Variants in CD82 observed in about 807,000 individuals in gnomAD.
CD82 encodes CD82 antigen.
CD82 carries 36 observed loss-of-function variants against 37.4 expected under a neutral mutation model. That is an observed-to-expected ratio of 0.96 (90% CI 0.74 to 1.27). The LOEUF (loss-of-function observed/expected upper bound fraction) is 1.27. CD82 is among the 50% of genes most tolerant of loss of function. CD82 has a pLI of 0.00. For synonymous variants in CD82, 158 were observed against 137.4 expected, an observed-to-expected ratio of 1.15 and a Z score of -1.05; for missense variants, 340 against 347.0, an observed-to-expected ratio of 0.98 and a Z score of 0.16.
At chr11:44,600,914 G>T (rs1853299034) in intron 4 of CD82, among the ~76,000 whole-genome samples, 2 of 152,350 alleles carry the variant, frequency 1.3e-5, no homozygotes, top group Admixed American at 1.3e-4. Flanking sequence ...AACTCCAAGA[G>T]CTTTGGTCCT....
intron 7 of CD82, 89 bp from the exon 8 acceptor site, chr11:44,618,073 C>A: frequency 8.8e-7 from 1 of 1,132,330 alleles, no homozygotes; most frequent in Non-Finnish European, 1.3e-6. Context: ...ATCTCAGTCT[C>A]TGTCCTGGGG....
intron 2 of CD82, among the ~76,000 whole-genome samples, chr11:44,592,094 C>T (rs1316119425): frequency 6.6e-6 from 1 of 152,202 alleles, no homozygotes; most frequent in Non-Finnish European, 1.5e-5. Flanking sequence ...GCTGGGATTA[C>T]AGGCATGAGA....
At chr11:44,591,217 A>G (rs1286555432) in intron 2 of CD82, among the ~76,000 whole-genome samples, 1 of 152,058 alleles carries the variant, frequency 6.6e-6, no homozygotes, top group South Asian at 2.1e-4. Context: ...TGTGGGATGG[A>G]GCCCATGGGT....
chr11:44,613,548 C>T (rs1274679660), intron 6 of CD82, among the ~76,000 whole-genome samples: 3 of 152,112 alleles, frequency 2.0e-5, no homozygotes, highest in South Asian at 4.1e-4. Flanking sequence ...TTGGGCCAGG[C>T]GAGGTGTCTC....
intron 4 of CD82, chr11:44,604,847 G>A (rs12789262): frequency 0.24 from 151,460 of 618,608 alleles, 20,112 homozygotes; most frequent in East Asian, 0.33. Context: ...TAGGCTGGAT[G>A]AGGGTGTGGA....
Position 44,618,760 on chromosome 11 carries a change from G to A in CD82, c.726+37G>A, listed in dbSNP as rs200610627. The A allele has an allele frequency of 5.8e-6, 9 of 1,551,212 alleles. No individual in the cohort carries two copies. The African/African-American group carries it at 9.5e-5, about 16-fold the overall frequency. ...CTCCCCCATCCCTTCTCCATCCCAG[G>A]TCCTCCTGGGTTGTCTCTGTTCTGC... On this transcript the variant is annotated intron_variant, in intron 9 of 9. Coordinates refer to ENST00000227155, the MANE Select transcript of CD82 (RefSeq NM_002231.4).
intron 3 of CD82, chr11:44,596,748 G>T: frequency 2.7e-6 from 1 of 372,702 alleles, no homozygotes; most frequent in Non-Finnish European, 5.4e-6. Flanking sequence ...AGGCAGAACG[G>T]GCTTGTTTAC....
In CD82 at chr11:44,597,977, G is replaced by A. The variant is rs1405747033; in HGVS notation, c.64-2181G>A. ...AGTGTCTCAGGGGCTTTTCTGTCCCGAGACTGGCTTTCTGGGTGAAGGCCC... is the reference window on the plus strand; with the variant it reads ...AGTGTCTCAGGGGCTTTTCTGTCCCAAGACTGGCTTTCTGGGTGAAGGCCC... On this transcript the variant is annotated intron_variant, in intron 3 of 9. Transcript: ENST00000227155. The surrounding 1 kb of genome is among the most constrained non-coding windows in gnomAD (Gnocchi z 4.1). Among the ~76,000 whole-genome samples, 7 of 152,306 alleles carry A rather than the reference G, an allele frequency of 4.6e-5. No homozygotes were observed. Among genetic ancestry groups the A allele is most frequent in the South Asian group, 2.1e-4 (1 of 4,818 alleles).
rs1853245924 is a variant in CD82 at position 44,597,476 on chromosome 11, T to C, written c.64-2682T>C. On this transcript the variant is annotated intron_variant, in intron 3 of 9. Coordinates refer to ENST00000227155, the MANE Select transcript of CD82 (RefSeq NM_002231.4). The surrounding 1 kb of genome is among the most constrained non-coding windows in gnomAD (Gnocchi z 4.1). ...TAGGCTGCCCAGCCTCCTTTCTGGC[T>C]CTGCCACAGCCCCGTGGCTAATCCA... 1.3e-5 allele frequency among the ~76,000 whole-genome samples: 2 copies of C among 152,266 alleles called. No homozygotes were observed. Among genetic ancestry groups the C allele is most frequent in the Non-Finnish European group, 2.9e-5 (2 of 68,046 alleles).
intron 6 of CD82, among the ~76,000 whole-genome samples, chr11:44,607,531 G>A (rs1171181662): frequency 2.0e-5 from 3 of 152,204 alleles, no homozygotes; most frequent in African/African-American, 7.2e-5. Flanking sequence ...GAAGCTGGTC[G>A]CCTCTGCAGG....
chr11:44,595,464 C>T lies in CD82; in HGVS notation c.63+739C>T, dbSNP rs145930684. On this transcript the variant is annotated intron_variant, in intron 3 of 9. Coordinates refer to ENST00000227155, the MANE Select transcript of CD82 (RefSeq NM_002231.4). ...CATAGCCTCAGAGTAGTGTTGGGAGCGCTGGCTTCCCTGTGTTGACGGTTT... is the reference window on the plus strand; with the variant it reads ...CATAGCCTCAGAGTAGTGTTGGGAGTGCTGGCTTCCCTGTGTTGACGGTTT... 5.3e-3 allele frequency among the ~76,000 whole-genome samples: 788 copies of T among 147,806 alleles called. 2 individuals carry two copies. Among genetic ancestry groups the T allele is most frequent in the Non-Finnish European group, 7.3e-3 (492 of 67,156 alleles).
chr11:44,612,370 C>A (rs1347537538), intron 6 of CD82, among the ~76,000 whole-genome samples: 1 of 152,118 alleles, frequency 6.6e-6, no homozygotes, highest in Non-Finnish European at 1.5e-5. Context: ...GGGGTGAATA[C>A]CTAGGCCATA....
At chr11:44,608,106 ATAT>A (rs1853425732) in intron 6 of CD82, 1 of 152,176 alleles carries the variant, frequency 6.6e-6, no homozygotes, top group Admixed American at 6.5e-5. Context: ...AATGAACAAT[ATAT>A]TTTTTTCTTT....
At chr11:44,581,852 C>T (rs565778050) in intron 1 of CD82, among the ~76,000 whole-genome samples, 1 of 152,308 alleles carries the variant, frequency 6.6e-6, no homozygotes, top group South Asian at 2.1e-4. Context: ...TGTTCCATCT[C>T]GGCCCTCTGT....
intron 4 of CD82, among the ~76,000 whole-genome samples, chr11:44,602,783 G>A (rs1853326678): frequency 6.6e-6 from 1 of 152,156 alleles, no homozygotes; most frequent in South Asian, 2.1e-4. Flanking sequence ...GATCCTGGGG[G>A]GAGACAGGGA....
At chr11:44,582,132 C>T (rs1490621094) in intron 1 of CD82, among the ~76,000 whole-genome samples, 1 of 152,196 alleles carries the variant, frequency 6.6e-6, no homozygotes, top group Non-Finnish European at 1.5e-5. Context: ...ACCACTGTCC[C>T]CCCTGTGTGA....
intron 1 of CD82, among the ~76,000 whole-genome samples, chr11:44,575,875 G>GA (rs1276716898): frequency 6.6e-6 from 1 of 152,238 alleles, no homozygotes; most frequent in East Asian, 1.9e-4. Context: ...TCTGACAAGT[G>GA]ACATGCTGTG....
intron 1 of CD82, among the ~76,000 whole-genome samples, chr11:44,567,079 C>T (rs1315872919): frequency 1.3e-5 from 2 of 152,184 alleles, no homozygotes; most frequent in South Asian, 2.1e-4. Flanking sequence ...CTCCCCCATC[C>T]CTACCATGTC....
At chr11:44,570,870 C>G (rs1852804565) in intron 1 of CD82, among the ~76,000 whole-genome samples, 1 of 152,178 alleles carries the variant, frequency 6.6e-6, no homozygotes, top group Non-Finnish European at 1.5e-5. Context: ...CCTGTGGGGA[C>G]TCAAGCTGGG....
Sources: gnomAD v4.1 joint callset for allele counts (sites outside exome capture counted in the v4.1 genomes callset) on GRCh38, gnomAD v4.1.1 for gene constraint, Gnocchi (gnomAD v3.1) non-coding constraint, MANE v1.5 for transcripts, NCBI Gene and HGNC (gene_info 2026-07-23, HGNC 2026-07-21) for gene names.